The following CSMD1 variants were observed in gnomAD, a reference collection of about 807,000 sequenced individuals.
The protein encoded by CSMD1 is CUB and Sushi multiple domains 1, also known as CUB and sushi domain-containing protein 1.
Under a neutral mutation model 417.5 loss-of-function variants are expected in CSMD1, and 213 were observed. That is an observed-to-expected ratio of 0.51 (90% CI 0.46 to 0.57). The LOEUF (loss-of-function observed/expected upper bound fraction) is 0.57. CSMD1 is among the 20% of genes least tolerant of loss of function. The pLI is 0.00. For missense variants in CSMD1, 6,923 were observed against 4,529.7 expected, an observed-to-expected ratio of 1.53 and a Z score of -15.17; for synonymous variants, 2,862 against 1,736.8, an observed-to-expected ratio of 1.65 and a Z score of -16.11.
intron 1 of CSMD1, among the ~76,000 whole-genome samples, chr8:4,762,692 A>T (rs1812195422): frequency 6.6e-6 from 1 of 152,136 alleles, no homozygotes; most frequent in Non-Finnish European, 1.5e-5. Flanking sequence ...GTCATTATTC[A>T]GGCCCAGATG....
chr8:4,899,089 G>A (rs1010566620), intron 1 of CSMD1, among the ~76,000 whole-genome samples: 2 of 152,146 alleles, frequency 1.3e-5, no homozygotes, highest in Non-Finnish European at 2.9e-5. Context: ...ATTTAAGTGT[G>A]ATCTGTTACA....
chr8:3,076,058 A>G (rs1320906971), intron 49 of CSMD1, among the ~76,000 whole-genome samples: 1 of 130,334 alleles, frequency 7.7e-6, no homozygotes, highest in Non-Finnish European at 1.7e-5. Flanking sequence ...CTCAAAAAAA[A>G]GAAAAAAAAA....
At chr8:3,930,023 A>G (rs1350722138) in intron 5 of CSMD1, among the ~76,000 whole-genome samples, 1 of 150,240 alleles carries the variant, frequency 6.7e-6, no homozygotes, top group African/African-American at 2.5e-5. Flanking sequence ...TTCTTCTTAC[A>G]CTGGTTTATA....
chr8:3,537,887 G>C (rs1585325268), intron 10 of CSMD1, among the ~76,000 whole-genome samples: 2 of 152,178 alleles, frequency 1.3e-5, no homozygotes, highest in Admixed American at 1.3e-4. Flanking sequence ...ATATTTCATT[G>C]TTGATGTTCC....
chr8:2,951,419 G>A (rs1802623886), intron 65 of CSMD1, 144 bp from the exon 66 acceptor site: 9 of 779,770 alleles, frequency 1.2e-5, no homozygotes, highest in South Asian at 6.4e-5. Flanking sequence ...CTAGTGCATC[G>A]CTGTTCACAG....
chr8:3,881,989 C>G (rs987043068), intron 5 of CSMD1, among the ~76,000 whole-genome samples: 1 of 152,034 alleles, frequency 6.6e-6, no homozygotes, highest in African/African-American at 2.4e-5. Flanking sequence ...AATAACCAAT[C>G]ACGAGAGAAT....
At chr8:4,119,462 G>C (rs867226004) in intron 3 of CSMD1, among the ~76,000 whole-genome samples, 4 of 152,164 alleles carry the variant, frequency 2.6e-5, no homozygotes, top group South Asian at 2.1e-4. Flanking sequence ...ATCTGTGTCA[G>C]CCCGAAAACC....
At chr8:4,314,127 A>T (rs1798790276) in intron 3 of CSMD1, among the ~76,000 whole-genome samples, 1 of 152,120 alleles carries the variant, frequency 6.6e-6, no homozygotes, top group Non-Finnish European at 1.5e-5. Flanking sequence ...TGTATCCGAC[A>T]TGCAGAGACT....
At chr8:4,176,659 A>G (rs1335226041) in intron 3 of CSMD1, among the ~76,000 whole-genome samples, 3 of 151,690 alleles carry the variant, frequency 2.0e-5, no homozygotes, top group Non-Finnish European at 4.4e-5. Context: ...GTCAAGACCC[A>G]TCAGTGTGCT....
intron 1 of CSMD1, among the ~76,000 whole-genome samples, chr8:4,963,190 CTTTA>C (rs1197825933): frequency 1.3e-5 from 2 of 152,026 alleles, no homozygotes; most frequent in East Asian, 1.9e-4. Flanking sequence ...CCTTCATTCA[CTTTA>C]TTTATTTACT....
At chr8:4,894,533 C>A (rs929417865) in intron 1 of CSMD1, among the ~76,000 whole-genome samples, 4 of 139,096 alleles carry the variant, frequency 2.9e-5, no homozygotes, top group African/African-American at 8.4e-5. Flanking sequence ...AGCCTGGGGA[C>A]AACAGCGAGA....
At chr8:4,857,984 T>A (rs577897162) in intron 1 of CSMD1, among the ~76,000 whole-genome samples, 1 of 152,084 alleles carries the variant, frequency 6.6e-6, no homozygotes, top group Non-Finnish European at 1.5e-5. Context: ...TAGACCAATA[T>A]CTTTGATGAA....
At chr8:4,145,627 G>C (rs370444874) in intron 3 of CSMD1, among the ~76,000 whole-genome samples, 4 of 150,804 alleles carry the variant, frequency 2.7e-5, no homozygotes, top group Non-Finnish European at 1.5e-5. Flanking sequence ...CGGCTCAAGC[G>C]ATCCTGCCCA....
intron 7 of CSMD1, among the ~76,000 whole-genome samples, chr8:3,663,298 G>C (rs35362797): frequency 6.6e-6 from 1 of 151,986 alleles, no homozygotes. Flanking sequence ...TGGGATGTGG[G>C]CAGTAGAATA....
intron 3 of CSMD1, among the ~76,000 whole-genome samples, chr8:4,299,819 T>C (rs1797883112): frequency 1.3e-5 from 2 of 151,770 alleles, no homozygotes; most frequent in South Asian, 4.1e-4. Context: ...TTAGTACAGA[T>C]GGGTTTTCAC....
chr8:4,339,928 G>A (rs190125562), intron 3 of CSMD1, among the ~76,000 whole-genome samples: 11 of 152,142 alleles, frequency 7.2e-5, no homozygotes, highest in Non-Finnish European at 1.5e-4. Context: ...AGGGGCCTGA[G>A]GCAAGAGGAT....
intron 3 of CSMD1, among the ~76,000 whole-genome samples, chr8:4,295,089 A>G (rs1797586510): frequency 6.8e-6 from 1 of 147,184 alleles, no homozygotes; most frequent in African/African-American, 2.5e-5. Context: ...TAATCTTAAG[A>G]TTACACACAT....
intron 3 of CSMD1, among the ~76,000 whole-genome samples, chr8:4,371,830 G>C (rs74530488): frequency 0.061 from 9,289 of 152,254 alleles, 765 homozygotes; most frequent in African/African-American, 0.19. Context: ...TGGAGGAACA[G>C]GGTCAAGTAA....
At chr8:4,933,108 T>G (rs1807354581) in intron 1 of CSMD1, among the ~76,000 whole-genome samples, 1 of 152,228 alleles carries the variant, frequency 6.6e-6, no homozygotes, top group African/African-American at 2.4e-5. Context: ...TCACCTTACA[T>G]ACTTGTATGG....
Sources: allele counts gnomAD v4.1 joint callset (sites outside exome capture counted in the v4.1 genomes callset), GRCh38; gene constraint gnomAD v4.1.1; transcripts MANE v1.5; gene names NCBI Gene and HGNC (gene_info 2026-07-23, HGNC 2026-07-21).